Variants in POM121C observed in about 807,000 individuals in gnomAD.
The protein encoded by POM121C is POM121 transmembrane nucleoporin C, also known as nuclear envelope pore membrane protein POM 121C.
Under a neutral mutation model 66.4 loss-of-function variants are expected in POM121C, and 20 were observed. The ratio of observed to expected loss-of-function variants is 0.30; its 90% CI spans 0.21 to 0.44. The LOEUF (loss-of-function observed/expected upper bound fraction) is 0.44. Ranked by LOEUF, POM121C falls within the 20% of genes least tolerant of loss-of-function variation. The pLI, the probability that POM121C is intolerant of heterozygous loss-of-function variation, is 1.00. For synonymous variants in POM121C, 286 were observed against 528.0 expected (o/e 0.54, Z 6.28); for missense variants, 580 against 1,225.7 (o/e 0.47, Z 7.87).
chr7:75,432,184 CAAAAA>C (rs57890055), intron 7 of POM121C, among the ~76,000 whole-genome samples: 13 of 107,742 alleles, frequency 1.2e-4, no homozygotes, highest in African/African-American at 1.1e-4. Flanking sequence ...GAATCTGTCT[CAAAAA>C]AAAAAAAAAA....
intron 10 of POM121C, 86 bp from the exon 11 acceptor site, chr7:75,424,714 T>C: frequency 7.7e-6 from 12 of 1,552,544 alleles, no homozygotes; most frequent in Non-Finnish European, 9.8e-6. Flanking sequence ...ATCTCAGCAC[T>C]CTGGGAGGCC....
intron 3 of POM121C, among the ~76,000 whole-genome samples, chr7:75,444,263 G>C (rs1190660220): frequency 2.3e-5 from 3 of 129,016 alleles, no homozygotes; most frequent in South Asian, 2.9e-4. Flanking sequence ...AAAAAGGGGG[G>C]GGGGGGCGGA....
At chr7:75,485,668 G>A (rs1554480776) in intron 1 of POM121C, among the ~76,000 whole-genome samples, 196 bp downstream of exon 1, 1 of 152,150 alleles carries the variant, frequency 6.6e-6, no homozygotes, top group African/African-American at 2.4e-5. Context: ...CACCCTCCAC[G>A]CCTCCGTAAG....
At chr7:75,449,723 A>G (rs1379162883) in intron 3 of POM121C, among the ~76,000 whole-genome samples, 3 of 152,048 alleles carry the variant, frequency 2.0e-5, no homozygotes, top group Non-Finnish European at 4.4e-5. Flanking sequence ...ACAGGAAGAA[A>G]TGCCAGGGAT....
chr7:75,441,002 A>G lies in POM121C; in HGVS notation c.179T>C (p.Val60Ala), dbSNP rs781897946. 6.8e-6 allele frequency: 11 copies of G among 1,613,694 alleles called. No individual in the cohort carries two copies. In the African/African-American group the frequency reaches 1.3e-4, roughly 20 times the overall value. ...ALKEKKKKRT[V>A]EEEDQIFLDG... ...AAGGAATATTTGGTCTTCTTCCTCC[A>G]CTGTCCTTTTCTTCTTCTTCTCTTT... Residue 60 changes from valine (V) to alanine (A), a missense_variant, in exon 5 of 15, where the codon GTG becomes GCG. Physicochemically the swap from Val to Ala is moderately conservative, Grantham distance 64. Transcript: ENST00000615331.
chr7:75,474,880 A>T lies in POM121C; in HGVS notation c.-328T>A, dbSNP rs1554479163. On this transcript the variant is annotated splice_region_variant and 5_prime_UTR_variant, in exon 3 of 15. Coordinates refer to ENST00000615331, the MANE Select transcript of POM121C (RefSeq NM_001099415.3). ...GAAGTACAAGATGTTGCCACCTCATAAGCTGCATAACAGAAATGCTCCATT... is the reference window on the plus strand; with the variant it reads ...GAAGTACAAGATGTTGCCACCTCATTAGCTGCATAACAGAAATGCTCCATT... 5.3e-6 allele frequency: 6 copies of T among 1,131,740 alleles called. No homozygotes were observed. The highest frequency in any genetic ancestry group is 5.2e-6 in the Non-Finnish European group (4 of 766,404). The allele number at this position is 1,131,740 out of a possible 1,614,324, so 70.1% of individuals were successfully genotyped here.
intron 3 of POM121C, among the ~76,000 whole-genome samples, chr7:75,463,743 A>G (rs1436491311): frequency 5.9e-5 from 9 of 152,088 alleles, no homozygotes; most frequent in Non-Finnish European, 8.8e-5. Flanking sequence ...TCCAGACTGG[A>G]GGGCAGTGGT....
intron 3 of POM121C, among the ~76,000 whole-genome samples, chr7:75,470,725 T>G (rs868912118): frequency 3.9e-5 from 6 of 151,936 alleles, no homozygotes; most frequent in African/African-American, 1.4e-4. Flanking sequence ...CTTGACCTCC[T>G]GGGCTCAAGC....
chr7:75,443,124 C>G (rs1271687045), intron 3 of POM121C, among the ~76,000 whole-genome samples: 3 of 152,154 alleles, frequency 2.0e-5, no homozygotes, highest in Admixed American at 6.5e-5. Context: ...AGTTTTCCCC[C>G]CCACTTCCAT....
chr7:75,468,600 T>G (rs1262418749), intron 3 of POM121C, among the ~76,000 whole-genome samples: 1 of 152,184 alleles, frequency 6.6e-6, no homozygotes, highest in African/African-American at 2.4e-5. Context: ...ATTACAGGCG[T>G]GAGCCAACAC....
At chr7:75,479,615 CTAAATAAATAAATAAA>C (rs58439125) in intron 1 of POM121C, among the ~76,000 whole-genome samples, 15 of 134,608 alleles carry the variant, frequency 1.1e-4, no homozygotes, top group East Asian at 4.2e-4. Context: ...GACTCTGTCT[CTAAATAAATAAATAAA>C]TAAATAAATA....
intron 3 of POM121C, among the ~76,000 whole-genome samples, chr7:75,448,502 GAA>G (rs61223131): frequency 1.0e-4 from 8 of 79,012 alleles, no homozygotes; most frequent in Middle Eastern, 5.1e-3. Flanking sequence ...AACAGAAACA[GAA>G]AAAAAAAAAA....
At position 75,439,333 on chromosome 7, in the gene POM121C, T is replaced by C. The variant is rs1790539735; in HGVS notation, c.228-109A>G. ...TATACTATCTCTATGGAGCACAGAT[T>C]CCATGCTAGACCAGAAAATGGTTGT... is the stretch of plus-strand genomic sequence containing the variant. On this transcript the variant is annotated intron_variant, in intron 5 of 14. Coordinates refer to ENST00000615331, the MANE Select transcript of POM121C (RefSeq NM_001099415.3). The C allele has an allele frequency of 2.8e-6, 4 of 1,454,140 alleles. No homozygotes were observed. In the East Asian group the frequency reaches 9.2e-5, roughly 33 times the overall value. The allele number at this position is 1,454,140 out of a possible 1,614,324, so 90.1% of individuals were successfully genotyped here.
chr7:75,452,083 G>A (rs1791041043), intron 3 of POM121C, among the ~76,000 whole-genome samples: 1 of 152,188 alleles, frequency 6.6e-6, no homozygotes, highest in Non-Finnish European at 1.5e-5. Flanking sequence ...AGAATCTCTT[G>A]AACCCAGGAG....
intron 7 of POM121C, among the ~76,000 whole-genome samples, chr7:75,431,854 A>G (rs1790196890): frequency 6.6e-6 from 1 of 152,104 alleles, no homozygotes; most frequent in African/African-American, 2.4e-5. Flanking sequence ...TGGGAGGCTG[A>G]GGCATGAGAA....
intron 7 of POM121C, among the ~76,000 whole-genome samples, chr7:75,431,548 A>AGC (rs1554472345): frequency 7.2e-6 from 1 of 137,966 alleles, no homozygotes; most frequent in East Asian, 2.2e-4. Context: ...GGTTGCCATG[A>AGC]GCCAAGATTG....
chr7:75,440,441 G>A (rs1477035882), intron 5 of POM121C, among the ~76,000 whole-genome samples: 2 of 151,540 alleles, frequency 1.3e-5, no homozygotes, highest in Admixed American at 6.6e-5. Context: ...GGTGGCGGGC[G>A]CCTGTAGTCC....
intron 7 of POM121C, among the ~76,000 whole-genome samples, chr7:75,435,651 C>G (rs1398476529): frequency 2.0e-5 from 3 of 152,134 alleles, no homozygotes; most frequent in Non-Finnish European, 4.4e-5. Flanking sequence ...TTACATGTCC[C>G]TAGGATTCAC....
intron 3 of POM121C, among the ~76,000 whole-genome samples, chr7:75,474,028 G>C (rs587618265): frequency 6.6e-6 from 1 of 152,244 alleles, no homozygotes; most frequent in African/African-American, 2.4e-5. Context: ...AAAGAAAATG[G>C]AAGATAAAAA....
Sources: allele counts gnomAD v4.1 joint callset (sites outside exome capture counted in the v4.1 genomes callset), GRCh38; gene constraint gnomAD v4.1.1; transcripts MANE v1.5; gene names NCBI Gene and HGNC (gene_info 2026-07-23, HGNC 2026-07-21).